Variants in LRRTM4 observed in about 807,000 individuals in gnomAD.
The protein encoded by LRRTM4 is leucine-rich repeat transmembrane neuronal protein 4.
Under a neutral mutation model 47.6 loss-of-function variants are expected in LRRTM4, and 25 were observed. That is an observed-to-expected ratio of 0.53 (90% confidence interval 0.38 to 0.73). The LOEUF (loss-of-function observed/expected upper bound fraction) is 0.73. Among genes scored for constraint, LRRTM4 ranks in the 30% least tolerant of loss-of-function variants. The pLI, the probability that LRRTM4 is intolerant of heterozygous loss-of-function variation, is 0.00. For missense variants in LRRTM4, 638 were observed against 713.4 expected, an observed-to-expected ratio of 0.89 and a Z score of 1.20; for synonymous variants, 311 against 269.5, an observed-to-expected ratio of 1.15 and a Z score of -1.51.
At chr2:77,513,160 C>G (rs570712641) in intron 3 of LRRTM4, among the ~76,000 whole-genome samples, 2 of 152,226 alleles carry the variant, frequency 1.3e-5, no homozygotes, top group East Asian at 3.9e-4. Flanking sequence ...TGTGCTCACA[C>G]ATGTGTATGC....
intron 3 of LRRTM4, among the ~76,000 whole-genome samples, chr2:76,807,247 A>C (rs534165934): frequency 4.3e-4 from 66 of 151,844 alleles, no homozygotes; most frequent in African/African-American, 1.5e-3. Context: ...CAAATTTTCA[A>C]CTGCAAGGAC....
rs114922725 is a variant in LRRTM4 at position 77,431,258 on chromosome 2, A to C, written c.1551+87060T>G. ...ATATAGAAATAAACTTCTATAAATA[A>C]TACAATTTTTTTTTTGCTCAGAGTT... On this transcript the variant is annotated intron_variant, in intron 3 of 3. Transcript: ENST00000409884. Among the ~76,000 whole-genome samples the C allele has an allele frequency of 5.8e-3, 864 of 148,880 alleles. 132 individuals are homozygous for C. Among genetic ancestry groups the C allele is most frequent in the African/African-American group, 0.022 (827 of 38,328 alleles).
chr2:77,326,656 A>T (rs1252981475), intron 3 of LRRTM4, among the ~76,000 whole-genome samples: 3 of 152,158 alleles, frequency 2.0e-5, no homozygotes, highest in Non-Finnish European at 4.4e-5. Flanking sequence ...TTGGCCTCCC[A>T]AAGTGCTAGG....
intron 3 of LRRTM4, among the ~76,000 whole-genome samples, chr2:76,868,277 T>C (rs1353635435): frequency 6.6e-6 from 1 of 152,232 alleles, no homozygotes; most frequent in Non-Finnish European, 1.5e-5. Context: ...ATTAATAGTT[T>C]ATGAATGTGT....
At chr2:76,873,012 A>G (rs916488897) in intron 3 of LRRTM4, among the ~76,000 whole-genome samples, 3 of 152,124 alleles carry the variant, frequency 2.0e-5, no homozygotes, top group African/African-American at 4.8e-5. Context: ...TGCTTCTTGT[A>G]TAGCCTGTAG....
chr2:77,075,808 G>C (rs1299310234), intron 3 of LRRTM4, among the ~76,000 whole-genome samples: 2 of 146,520 alleles, frequency 1.4e-5, no homozygotes, highest in Non-Finnish European at 3.0e-5. Flanking sequence ...CCAGCTACTT[G>C]GGAGGCTGAG....
At chr2:77,349,943 T>C (rs570287001) in intron 3 of LRRTM4, among the ~76,000 whole-genome samples, 105 of 152,292 alleles carry the variant, frequency 6.9e-4, no homozygotes, top group African/African-American at 2.5e-3. Context: ...GTTAGTTCCC[T>C]GGCACTAGGT....
chr2:77,309,677 CAG>C (rs2104192050), intron 3 of LRRTM4, among the ~76,000 whole-genome samples: 1 of 131,750 alleles, frequency 7.6e-6, no homozygotes, highest in Non-Finnish European at 1.6e-5. Flanking sequence ...GATAGATAGA[CAG>C]ATGATAGATA....
chr2:77,430,457 C>T (rs1675320588), intron 3 of LRRTM4, among the ~76,000 whole-genome samples: 1 of 152,116 alleles, frequency 6.6e-6, no homozygotes, highest in African/African-American at 2.4e-5. Context: ...TGCAGCGGCT[C>T]ATGGCTGTAA....
intron 3 of LRRTM4, among the ~76,000 whole-genome samples, chr2:77,293,231 G>A (rs1259196972): frequency 6.6e-6 from 1 of 152,044 alleles, no homozygotes; most frequent in Non-Finnish European, 1.5e-5. Flanking sequence ...AATGAAGAAA[G>A]TTCTGACTAT....
chr2:77,363,951 T>C (rs980265786), intron 3 of LRRTM4, among the ~76,000 whole-genome samples: 3 of 152,150 alleles, frequency 2.0e-5, no homozygotes, highest in Admixed American at 2.0e-4. Context: ...TTACAAGTGA[T>C]GTATAATTCC....
At chr2:77,010,941 A>T (rs1236627152) in intron 3 of LRRTM4, among the ~76,000 whole-genome samples, 1 of 152,146 alleles carries the variant, frequency 6.6e-6, no homozygotes, top group East Asian at 1.9e-4. Context: ...ACATTCAAAT[A>T]AACTTGACAT....
intron 3 of LRRTM4, among the ~76,000 whole-genome samples, chr2:77,422,622 G>T (rs1674945944): frequency 6.6e-6 from 1 of 152,098 alleles, no homozygotes; most frequent in Non-Finnish European, 1.5e-5. Flanking sequence ...TGAAAAAATA[G>T]AATATTTGAC....
At position 77,262,496 on chromosome 2, in the gene LRRTM4, T is replaced by A. The variant is rs1021653241; in HGVS notation, c.1551+255822A>T. 2.1e-5 allele frequency among the ~76,000 whole-genome samples: 3 copies of A among 145,540 alleles called. No homozygotes were observed. The South Asian group carries it at 6.2e-4, about 30-fold the overall frequency. On this transcript the variant is annotated intron_variant, in intron 3 of 3. Transcript: ENST00000409884. ...TGTACTTTATTTACATTTGTTTAGT[T>A]TTTACCTAATTTTTTTTTTCTGTTC... is the stretch of plus-strand genomic sequence containing the variant.
intron 3 of LRRTM4, among the ~76,000 whole-genome samples, chr2:76,957,766 G>T (rs977268453): frequency 4.0e-5 from 6 of 151,494 alleles, no homozygotes; most frequent in African/African-American, 9.7e-5. Context: ...AATATAAGAA[G>T]AATAATCAAA....
intron 3 of LRRTM4, among the ~76,000 whole-genome samples, chr2:77,081,733 C>A (rs1398317835): frequency 6.6e-6 from 1 of 152,070 alleles, no homozygotes; most frequent in Non-Finnish European, 1.5e-5. Context: ...AAAAATTGTT[C>A]TAGACCTAAT....
rs544758090 is a variant in LRRTM4 at position 77,082,723 on chromosome 2, TTAA to T, written c.1552-333810_1552-333808del. Among the ~76,000 whole-genome samples the T allele has an allele frequency of 3.4e-3, 522 of 152,248 alleles. 5 individuals carry two copies. The highest frequency in any genetic ancestry group is 0.012 in the African/African-American group (508 of 41,578). On this transcript the variant is annotated intron_variant, in intron 3 of 3. Coordinates refer to ENST00000409884, the MANE Select transcript of LRRTM4 (RefSeq NM_001134745.3). ...TAGAAATATCCTATTTGTTCTGGAA[TTAA>T]TGTCAGAGAAAAAAAGTCTATTTTG...
rs186715889 is a variant in LRRTM4 at position 77,317,548 on chromosome 2, T to C, written c.1551+200770A>G. Reference sequence around the variant, plus strand: ...TTCCCCTGTTTTTTATTTGAAAGATTATCGTAAACACTAAATAGAAATTTT... The same window carrying C: ...TTCCCCTGTTTTTTATTTGAAAGATCATCGTAAACACTAAATAGAAATTTT... On this transcript the variant is annotated intron_variant, in intron 3 of 3. Transcript: ENST00000409884. Among the ~76,000 whole-genome samples the C allele has an allele frequency of 6.0e-3, 918 of 152,324 alleles. 10 individuals carry two copies. The highest frequency in any genetic ancestry group is 0.02 in the African/African-American group (840 of 41,550).
intron 3 of LRRTM4, among the ~76,000 whole-genome samples, chr2:77,364,078 G>T (rs1172111752): frequency 6.6e-6 from 1 of 151,230 alleles, no homozygotes; most frequent in African/African-American, 2.4e-5. Context: ...CATTGAAAAA[G>T]GCTCTCTTCT....
Sources: allele counts gnomAD v4.1 joint callset (sites outside exome capture counted in the v4.1 genomes callset), GRCh38; gene constraint gnomAD v4.1.1; transcripts MANE v1.5; gene names NCBI Gene and HGNC (gene_info 2026-07-23, HGNC 2026-07-21).